Variants in SLC39A11 observed in about 807,000 individuals in gnomAD.
The protein encoded by SLC39A11 is zinc transporter ZIP11.
Under a neutral mutation model 36.1 loss-of-function variants are expected in SLC39A11, and 33 were observed. That is an observed-to-expected ratio of 0.91 (90% CI 0.69 to 1.22). The LOEUF is 1.22. Among genes scored for constraint, SLC39A11 ranks in the 50% most tolerant of loss-of-function variants. The pLI, the probability that SLC39A11 is intolerant of heterozygous loss-of-function variation, is 0.00. For synonymous variants in SLC39A11, 166 were observed against 170.3 expected (o/e 0.97, Z 0.20); for missense variants, 432 against 430.3 (o/e 1.00, Z -0.03).
chr17:72,771,927 C>T (rs958190938), intron 6 of SLC39A11, among the ~76,000 whole-genome samples: 11 of 152,150 alleles, frequency 7.2e-5, no homozygotes, highest in African/African-American at 2.7e-4. Flanking sequence ...CCTCTTCTCT[C>T]CAAGAGGGGA....
intron 7 of SLC39A11, among the ~76,000 whole-genome samples, chr17:72,669,140 G>A (rs955913802): frequency 6.6e-6 from 1 of 152,186 alleles, no homozygotes; most frequent in African/African-American, 2.4e-5. Flanking sequence ...AGTTATGCAG[G>A]AGAATGTTTT....
At chr17:72,913,758 C>A (rs2083163466) in intron 5 of SLC39A11, among the ~76,000 whole-genome samples, 1 of 144,860 alleles carries the variant, frequency 6.9e-6, no homozygotes, top group Non-Finnish European at 1.5e-5. Context: ...CAAGATACTT[C>A]TTTTATCAGA....
chr17:72,983,730 G>A (rs1442474775), intron 4 of SLC39A11, among the ~76,000 whole-genome samples: 2 of 152,212 alleles, frequency 1.3e-5, no homozygotes, highest in African/African-American at 4.8e-5. Flanking sequence ...GTGATGGGCT[G>A]TGGGCAATTT....
chr17:72,717,802 T>C (rs548389929), intron 7 of SLC39A11, among the ~76,000 whole-genome samples: 2 of 152,180 alleles, frequency 1.3e-5, no homozygotes, highest in Non-Finnish European at 2.9e-5. Context: ...ACAGGACAGG[T>C]CACTCTTGCT....
At chr17:72,735,801 C>T (rs1052069360) in intron 7 of SLC39A11, among the ~76,000 whole-genome samples, 3 of 152,116 alleles carry the variant, frequency 2.0e-5, no homozygotes, top group African/African-American at 4.8e-5. Flanking sequence ...CACAGCTGCA[C>T]GATGTCTAGA....
intron 5 of SLC39A11, among the ~76,000 whole-genome samples, chr17:72,873,905 C>T (rs1396356183): frequency 1.3e-5 from 2 of 152,134 alleles, no homozygotes; most frequent in Non-Finnish European, 2.9e-5. Context: ...TCTCGTGATT[C>T]CTTCTCACAA....
intron 6 of SLC39A11, among the ~76,000 whole-genome samples, chr17:72,822,344 A>AAT (rs200478151): frequency 4.0e-5 from 6 of 148,292 alleles, no homozygotes; most frequent in Non-Finnish European, 7.5e-5. Context: ...AGAGAGAAAG[A>AAT]ATATATATAT....
chr17:72,909,730 CTTTCTTTTTTTTCTTT>C (rs1567932912), intron 5 of SLC39A11, among the ~76,000 whole-genome samples: 1 of 144,876 alleles, frequency 6.9e-6, no homozygotes, highest in African/African-American at 2.6e-5. Flanking sequence ...AACTGTCTTT[CTTTCTTTTTTTTCTTT>C]TTTCTTTTTT....
At chr17:73,054,940 A>C (rs1050239351) in intron 3 of SLC39A11, among the ~76,000 whole-genome samples, 1 of 152,102 alleles carries the variant, frequency 6.6e-6, no homozygotes, top group Admixed American at 6.6e-5. Flanking sequence ...AGAAACAAAG[A>C]CTCGATGACA....
At chr17:72,934,451 A>C (rs1359569793) in intron 5 of SLC39A11, among the ~76,000 whole-genome samples, 1 of 152,204 alleles carries the variant, frequency 6.6e-6, no homozygotes, top group East Asian at 1.9e-4. Flanking sequence ...GGATCACCTG[A>C]GGTCAGGAGT....
At chr17:72,991,362 A>AC (rs1555669205) in intron 4 of SLC39A11, among the ~76,000 whole-genome samples, 1 of 146,170 alleles carries the variant, frequency 6.8e-6, no homozygotes, top group Non-Finnish European at 1.5e-5. Flanking sequence ...TTATTTTTTA[A>AC]TTTTTTTTTT....
intron 4 of SLC39A11, among the ~76,000 whole-genome samples, chr17:72,952,502 G>T (rs1429142873): frequency 1.3e-5 from 2 of 152,142 alleles, no homozygotes; most frequent in Non-Finnish European, 2.9e-5. Context: ...AGCCCCATCT[G>T]CTCACTGGGC....
intron 5 of SLC39A11, among the ~76,000 whole-genome samples, chr17:72,945,123 G>A (rs1415260759): frequency 6.6e-6 from 1 of 152,128 alleles, no homozygotes; most frequent in Non-Finnish European, 1.5e-5. Context: ...AACTTCTTCT[G>A]GCCTACCTAA....
At chr17:72,791,032 G>A (rs2076683875) in intron 6 of SLC39A11, among the ~76,000 whole-genome samples, 1 of 152,212 alleles carries the variant, frequency 6.6e-6, no homozygotes, top group Non-Finnish European at 1.5e-5. Context: ...GGAGGCCTCA[G>A]ATCAGCAGCA....
chr17:72,927,491 C>T (rs1416269502), intron 5 of SLC39A11, among the ~76,000 whole-genome samples: 1 of 152,146 alleles, frequency 6.6e-6, no homozygotes, highest in Non-Finnish European at 1.5e-5. Flanking sequence ...AAGGCCATCC[C>T]ATGAGTTTCA....
At chr17:73,091,713 C>T (rs2060929632) in intron 1 of SLC39A11, 1 of 152,176 alleles carries the variant, frequency 6.6e-6, no homozygotes. Flanking sequence ...CTCAGAATTC[C>T]TCACGATGGG....
intron 4 of SLC39A11, among the ~76,000 whole-genome samples, chr17:73,028,337 C>T (rs1436432070): frequency 1.3e-5 from 2 of 152,158 alleles, no homozygotes; most frequent in African/African-American, 2.4e-5. Context: ...CCATTAACTC[C>T]GACCCCACAG....
At chr17:72,874,664 T>C (rs969610207) in intron 5 of SLC39A11, among the ~76,000 whole-genome samples, 12 of 152,122 alleles carry the variant, frequency 7.9e-5, no homozygotes, top group African/African-American at 2.4e-4. Flanking sequence ...AAAGAAATCA[T>C]CAGGGAACAC....
intron 7 of SLC39A11, among the ~76,000 whole-genome samples, chr17:72,713,428 A>C (rs2073199570): frequency 6.6e-6 from 1 of 152,030 alleles, no homozygotes; most frequent in African/African-American, 2.4e-5. Context: ...TTCCAGGGGG[A>C]GGCAGCAGCC....
Sources: allele counts gnomAD v4.1 joint callset (sites outside exome capture counted in the v4.1 genomes callset), GRCh38; gene constraint gnomAD v4.1.1; transcripts MANE v1.5; gene names NCBI Gene and HGNC (gene_info 2026-07-23, HGNC 2026-07-21).